SNX29: variants seen among roughly 807,000 people sequenced by gnomAD.
The protein encoded by SNX29 is sorting nexin-29.
SNX29 carries 78 observed loss-of-function variants against 102.1 expected under a neutral mutation model. That is an observed-to-expected ratio of 0.76 (90% CI 0.64 to 0.92). The LOEUF is 0.92. Among genes scored for constraint, SNX29 ranks in the 40% least tolerant of loss-of-function variants. The pLI, the probability that SNX29 is intolerant of heterozygous loss-of-function variation, is 0.00. For missense variants in SNX29, 1,280 were observed against 1,061.7 expected (o/e 1.21, Z -2.86); for synonymous variants, 580 against 414.5 (o/e 1.40, Z -4.85).
intron 9 of SNX29, among the ~76,000 whole-genome samples, chr16:12,067,856 A>G (rs1013914166): frequency 1.3e-5 from 2 of 152,184 alleles, no homozygotes; most frequent in African/African-American, 4.8e-5. Context: ...ATGCAGCCCA[A>G]GGCTTATGGA....
rs376284265 is a variant in SNX29, at chr16:12,050,902, A to T, written c.749-945A>T. ...AATTTTTTTTTTTTTTGTATTTTTA[A>T]TACAGACGGGGTTTCACCATGTTTG... is the stretch of plus-strand genomic sequence containing the variant. On this transcript the variant is annotated intron_variant, in intron 7 of 20. Coordinates refer to ENST00000566228, the MANE Select transcript of SNX29 (RefSeq NM_032167.5). 3.1e-3 allele frequency among the ~76,000 whole-genome samples: 467 copies of T among 151,716 alleles called. 4 individuals are homozygous for T. Among genetic ancestry groups the T allele is most frequent in the African/African-American group, 0.011 (439 of 41,346 alleles).
rs16958800 is a variant in SNX29 at position 11,983,548 on chromosome 16, T to C, written c.7+6735T>C. The C allele has an allele frequency of 8.4e-4, 468 of 558,108 alleles. 3 individuals carry two copies. In the African/African-American group the frequency reaches 9.1e-3, roughly 11 times the overall value. 34.6% of individuals were successfully genotyped at this position (558,108 alleles called of 1,614,324 possible). On this transcript the variant is annotated intron_variant, in intron 1 of 20. Coordinates refer to ENST00000566228, the MANE Select transcript of SNX29 (RefSeq NM_032167.5). ...AGTAGAAAAGTGATGCTATCAACAT[T>C]TTTTCCCCCTTGTGAAGGCACTGGA...
intron 11 of SNX29, among the ~76,000 whole-genome samples, chr16:12,125,760 A>G (rs1237336574): frequency 6.6e-6 from 1 of 151,600 alleles, no homozygotes; most frequent in Non-Finnish European, 1.5e-5. Flanking sequence ...CCCGGCCTAC[A>G]TCTCTTAAGG....
intron 9 of SNX29, among the ~76,000 whole-genome samples, chr16:12,062,472 C>A (rs1445179784): frequency 2.6e-5 from 4 of 152,040 alleles, no homozygotes; most frequent in African/African-American, 9.7e-5. Context: ...CGGTTGAGCA[C>A]GTGCCCGTGT....
Position 12,567,859 on chromosome 16 carries a change from C to G in SNX29, c.2319-647C>G, listed in dbSNP as rs62028745. 5.8e-3 allele frequency among the ~76,000 whole-genome samples: 876 copies of G among 152,290 alleles called. 6 individuals carry two copies. The highest frequency in any genetic ancestry group is 0.01 in the Middle Eastern group (3 of 294). ...AAGCCTCCCAGCCTCTACCCTATCC[C>G]CTAAAAAATGTGCCGAGGGCCTCCC... On this transcript the variant is annotated intron_variant, in intron 20 of 20. Coordinates refer to ENST00000566228, the MANE Select transcript of SNX29 (RefSeq NM_032167.5).
intron 15 of SNX29, among the ~76,000 whole-genome samples, chr16:12,342,511 G>A (rs150632145): frequency 2.6e-5 from 4 of 152,278 alleles, no homozygotes; most frequent in Non-Finnish European, 5.9e-5. Context: ...ATACCATCTC[G>A]TCTTTCCATT....
intron 13 of SNX29, among the ~76,000 whole-genome samples, chr16:12,164,238 G>T (rs1292751281): frequency 6.6e-6 from 1 of 152,152 alleles, no homozygotes; most frequent in Non-Finnish European, 1.5e-5. Context: ...CAAGAGGGGC[G>T]CAGAGCAGAA....
At chr16:12,274,713 T>G (rs2079193197) in intron 14 of SNX29, among the ~76,000 whole-genome samples, 2 of 152,116 alleles carry the variant, frequency 1.3e-5, no homozygotes, top group Admixed American at 1.3e-4. Context: ...ATTTTTGTGG[T>G]TTTTGCAGAG....
chr16:12,275,884 T>TG (rs1310176075), intron 14 of SNX29, among the ~76,000 whole-genome samples: 3 of 33,310 alleles, frequency 9.0e-5, no homozygotes, highest in Admixed American at 2.8e-4. Context: ...TTTAATTGTT[T>TG]TTTTTTTTTT....
chr16:12,280,417 G>A (rs1455701217), intron 15 of SNX29, among the ~76,000 whole-genome samples: 3 of 152,218 alleles, frequency 2.0e-5, no homozygotes, highest in Non-Finnish European at 4.4e-5. Flanking sequence ...CTGCCTGGCC[G>A]TTCTGGCCAG....
intron 20 of SNX29, among the ~76,000 whole-genome samples, chr16:12,548,978 C>A (rs532359219): frequency 6.6e-6 from 1 of 152,182 alleles, no homozygotes; most frequent in African/African-American, 2.4e-5. Flanking sequence ...CAAGTGAGGC[C>A]CCTGCTCTCC....
At chr16:12,320,288 C>T (rs1012733969) in intron 15 of SNX29, among the ~76,000 whole-genome samples, 4 of 152,134 alleles carry the variant, frequency 2.6e-5, no homozygotes, top group African/African-American at 7.2e-5. Flanking sequence ...ACAGCCTGTG[C>T]ACCAGCCCTG....
intron 17 of SNX29, among the ~76,000 whole-genome samples, chr16:12,398,954 T>C (rs1280200011): frequency 6.6e-6 from 1 of 152,180 alleles, no homozygotes; most frequent in Non-Finnish European, 1.5e-5. Flanking sequence ...CCCTGGGTTA[T>C]TGGAAACAAC....
chr16:12,544,059 C>G (rs1597866148), intron 20 of SNX29, among the ~76,000 whole-genome samples: 1 of 152,324 alleles, frequency 6.6e-6, no homozygotes, highest in South Asian at 2.1e-4. Context: ...CCACAGGAAT[C>G]ACATTGGTAG....
intron 13 of SNX29, among the ~76,000 whole-genome samples, chr16:12,142,389 C>G (rs1361092208): frequency 6.6e-6 from 1 of 152,000 alleles, no homozygotes; most frequent in Non-Finnish European, 1.5e-5. Flanking sequence ...ATGATGTACC[C>G]CAGAGCAGCC....
At chr16:12,519,829 G>A (rs1057180589) in intron 19 of SNX29, among the ~76,000 whole-genome samples, 16 of 151,988 alleles carry the variant, frequency 1.1e-4, no homozygotes, top group South Asian at 8.3e-4. Flanking sequence ...CCAACATGGC[G>A]AAACCCTGTC....
chr16:12,083,319 AC>A (rs111396556), intron 11 of SNX29, among the ~76,000 whole-genome samples: 9 of 151,174 alleles, frequency 6.0e-5, no homozygotes, highest in African/African-American at 2.2e-4. Flanking sequence ...AAAAAAAAAA[AC>A]CCCTCAAAAC....
chr16:12,127,742 C>T (rs1353829355), intron 12 of SNX29, among the ~76,000 whole-genome samples: 1 of 152,148 alleles, frequency 6.6e-6, no homozygotes, highest in Non-Finnish European at 1.5e-5. Context: ...TGTTAGTCAT[C>T]ATTAATCAAA....
At chr16:12,469,388 A>C (rs1417171790) in intron 18 of SNX29, among the ~76,000 whole-genome samples, 1 of 152,254 alleles carries the variant, frequency 6.6e-6, no homozygotes, top group Admixed American at 6.5e-5. Context: ...TTGTTAGGAT[A>C]CATTAACACA....
Sources: gnomAD v4.1 joint callset for allele counts (sites outside exome capture counted in the v4.1 genomes callset) on GRCh38, gnomAD v4.1.1 for gene constraint, MANE v1.5 for transcripts, NCBI Gene and HGNC (gene_info 2026-07-23, HGNC 2026-07-21) for gene names.